The following EPM2A variants were observed in gnomAD, a reference collection of about 807,000 sequenced individuals.
EPM2A encodes laforin.
Under a neutral mutation model 26.5 loss-of-function variants are expected in EPM2A, and 21 were observed. That is an observed-to-expected ratio of 0.79 (90% CI 0.56 to 1.14). EPM2A has a LOEUF of 1.14. EPM2A is among the 50% of genes most tolerant of loss of function. The probability of loss-of-function intolerance (pLI) is 0.00; values close to 1 mark genes in which losing one functional copy is unlikely to be tolerated. For missense variants in EPM2A, 458 were observed against 440.8 expected (o/e 1.04, Z -0.35); for synonymous variants, 217 against 177.6 (o/e 1.22, Z -1.76).
At chr6:145,419,211 C>T (rs1778750839) in intron 4 of EPM2A, among the ~76,000 whole-genome samples, 2 of 143,222 alleles carry the variant, frequency 1.4e-5, no homozygotes, top group East Asian at 2.3e-4. Flanking sequence ...CCCAGCAGCG[C>T]ATGGCCTCAC....
intron 2 of EPM2A, among the ~76,000 whole-genome samples, chr6:145,673,511 C>T (rs1779803288): frequency 6.6e-6 from 1 of 152,172 alleles, no homozygotes; most frequent in African/African-American, 2.4e-5. Flanking sequence ...GGGGGATTTC[C>T]CTTTCCTAGC....
At chr6:145,578,044 G>A (rs1472320569) in intron 2 of EPM2A, among the ~76,000 whole-genome samples, 1 of 151,950 alleles carries the variant, frequency 6.6e-6, no homozygotes, top group African/African-American at 2.4e-5. Context: ...ATGGGTTATA[G>A]CAAAAGAAGT....
intron 2 of EPM2A, among the ~76,000 whole-genome samples, chr6:145,604,508 C>T (rs1468150650): frequency 3.3e-5 from 5 of 152,026 alleles, no homozygotes; most frequent in Non-Finnish European, 5.9e-5. Context: ...CAAAAAACCA[C>T]CACTGGAAAA....
At chr6:145,477,604 T>C (rs556333676) in intron 4 of EPM2A, among the ~76,000 whole-genome samples, 4 of 152,018 alleles carry the variant, frequency 2.6e-5, no homozygotes, top group African/African-American at 7.2e-5. Context: ...GACTTACCTC[T>C]GGGATGCAAG....
At chr6:145,410,892 C>T (rs540987179) in intron 4 of EPM2A, among the ~76,000 whole-genome samples, 1 of 152,272 alleles carries the variant, frequency 6.6e-6, no homozygotes, top group East Asian at 1.9e-4. Flanking sequence ...GCTGTGGGCC[C>T]ATTAAAAATA....
At chr6:145,728,840 G>A (rs1214880092) in intron 1 of EPM2A, among the ~76,000 whole-genome samples, 1 of 152,172 alleles carries the variant, frequency 6.6e-6, no homozygotes, top group Non-Finnish European at 1.5e-5. Context: ...GAAAAGGCCT[G>A]GAAGGCATTT....
intron 1 of EPM2A, chr6:145,734,702 G>A (rs1005368946): frequency 1.3e-5 from 2 of 152,260 alleles, no homozygotes; most frequent in African/African-American, 2.4e-5. Context: ...GTGAATTAGA[G>A]CAGGAAAATG....
At chr6:145,586,656 G>A (rs545510708) in intron 2 of EPM2A, among the ~76,000 whole-genome samples, 8 of 152,040 alleles carry the variant, frequency 5.3e-5, no homozygotes, top group Admixed American at 2.0e-4. Context: ...ACTCAAAGAC[G>A]CATGCCTTCA....
intron 2 of EPM2A, among the ~76,000 whole-genome samples, chr6:145,528,275 C>A (rs1246891894): frequency 2.0e-5 from 3 of 152,114 alleles, no homozygotes; most frequent in Non-Finnish European, 4.4e-5. Flanking sequence ...CTACATTAAA[C>A]AACAGATTTT....
At chr6:145,662,139 C>A (rs1440639476) in intron 2 of EPM2A, among the ~76,000 whole-genome samples, 1 of 152,182 alleles carries the variant, frequency 6.6e-6, no homozygotes, top group Non-Finnish European at 1.5e-5. Flanking sequence ...GATGAGAAGT[C>A]TGTGTTCCTC....
downstream of EPM2A, among the ~76,000 whole-genome samples, chr6:145,624,007 AGTT>A (rs1316712837): frequency 2.0e-5 from 3 of 152,148 alleles, no homozygotes; most frequent in African/African-American, 7.2e-5. Context: ...CAAAGAACAG[AGTT>A]GTTGTTATGG....
intron 4 of EPM2A, among the ~76,000 whole-genome samples, chr6:145,474,328 G>C (rs539169254): frequency 6.6e-6 from 1 of 152,150 alleles, no homozygotes; most frequent in South Asian, 2.1e-4. Context: ...CAGGCATGGT[G>C]GTGGGTGCCT....
chr6:145,652,968 A>G (rs571783363), intron 2 of EPM2A, among the ~76,000 whole-genome samples: 15 of 152,318 alleles, frequency 9.8e-5, no homozygotes, highest in African/African-American at 3.4e-4. Flanking sequence ...CCAAGTCTTT[A>G]TCTATATCAG....
intron 4 of EPM2A, among the ~76,000 whole-genome samples, chr6:145,481,645 C>A (rs1347015910): frequency 6.6e-6 from 1 of 152,094 alleles, no homozygotes; most frequent in African/African-American, 2.4e-5. Context: ...GAGACCCTGA[C>A]CCAGAACCAC....
At chr6:145,547,295 T>G (rs34312543) in intron 2 of EPM2A, among the ~76,000 whole-genome samples, 10,240 of 152,156 alleles carry the variant, frequency 0.067, 458 homozygotes, top group South Asian at 0.11. Context: ...CTCCTTGGTC[T>G]TTTCTAGTCC....
chr6:145,478,091 C>A (rs952723360), intron 4 of EPM2A, among the ~76,000 whole-genome samples: 2 of 151,734 alleles, frequency 1.3e-5, no homozygotes, highest in Admixed American at 6.6e-5. Flanking sequence ...TTGCAGGATA[C>A]AAAATCAACA....
chr6:145,684,950 T>C (rs960332816), intron 2 of EPM2A: 12 of 152,160 alleles, frequency 7.9e-5, no homozygotes, highest in African/African-American at 2.4e-4. Context: ...CCTAAAACTA[T>C]TGTGAAATTG....
At chr6:145,491,262 C>T (rs1232178541) in intron 4 of EPM2A, 1 of 366,312 alleles carries the variant, frequency 2.7e-6, no homozygotes, top group Non-Finnish European at 5.2e-6. Context: ...CACTTCGGCA[C>T]CAGCTGAGGC....
chr6:145,512,793 C>T (rs1190408559), intron 2 of EPM2A, among the ~76,000 whole-genome samples: 2 of 145,708 alleles, frequency 1.4e-5, no homozygotes, highest in Non-Finnish European at 3.0e-5. Flanking sequence ...TTCAATAAAA[C>T]CAACAAAAAT....
Sources: gnomAD v4.1 joint callset for allele counts (sites outside exome capture counted in the v4.1 genomes callset) on GRCh38, gnomAD v4.1.1 for gene constraint, MANE v1.5 for transcripts, NCBI Gene and HGNC (gene_info 2026-07-23, HGNC 2026-07-21) for gene names.